The following SYT2 variants were observed in gnomAD, a reference collection of about 807,000 sequenced individuals.
The protein encoded by SYT2 is synaptotagmin-2.
Under a neutral mutation model 39.9 loss-of-function variants are expected in SYT2, and 15 were observed. The ratio of observed to expected loss-of-function variants is 0.38; its 90% CI spans 0.25 to 0.58. SYT2 has a LOEUF of 0.58. Ranked by LOEUF, SYT2 falls within the 20% of genes least tolerant of loss-of-function variation. The pLI is 0.70. For synonymous variants in SYT2, 181 were observed against 204.5 expected (o/e 0.89, Z 0.98); for missense variants, 389 against 530.3 (o/e 0.73, Z 2.62).
At chr1:202,658,442 C>T (rs887976962) in intron 1 of SYT2, among the ~76,000 whole-genome samples, 2 of 152,124 alleles carry the variant, frequency 1.3e-5, no homozygotes, top group African/African-American at 4.8e-5. Context: ...TCTACTGATG[C>T]CTCTTGGATC....
At chr1:202,656,422 G>A (rs933703288) in intron 1 of SYT2, among the ~76,000 whole-genome samples, 3 of 152,226 alleles carry the variant, frequency 2.0e-5, no homozygotes, top group Non-Finnish European at 4.4e-5. Flanking sequence ...CCAGGGCCCT[G>A]TGAGCCTGAA....
intron 1 of SYT2, among the ~76,000 whole-genome samples, chr1:202,646,069 G>A (rs11585565): frequency 0.38 from 57,074 of 152,132 alleles, 12,807 homozygotes; most frequent in South Asian, 0.5. Context: ...AGGGCATGGA[G>A]CTGGGTCTTG....
chr1:202,704,454 G>A (rs994175087), intron 1 of SYT2, among the ~76,000 whole-genome samples: 16 of 152,198 alleles, frequency 1.1e-4, no homozygotes, highest in South Asian at 2.1e-4. Flanking sequence ...AGGAAGTAAG[G>A]AAGGAATGGG....
At chr1:202,672,233 C>T (rs1186293001) in intron 1 of SYT2, among the ~76,000 whole-genome samples, 5 of 152,214 alleles carry the variant, frequency 3.3e-5, no homozygotes, top group Non-Finnish European at 5.9e-5. Flanking sequence ...TGAATGTTTG[C>T]GTCCTCCCAA....
intron 1 of SYT2, among the ~76,000 whole-genome samples, chr1:202,672,451 T>G (rs1692611114): frequency 6.6e-6 from 1 of 151,998 alleles, no homozygotes. Context: ...AGACTTCCAG[T>G]CTCCGGAACT....
intron 1 of SYT2, among the ~76,000 whole-genome samples, chr1:202,648,236 A>C (rs948990707): frequency 1.3e-5 from 2 of 152,214 alleles, no homozygotes; most frequent in African/African-American, 2.4e-5. Context: ...GCTAGAGTGC[A>C]GAGGTGTGAT....
chr1:202,616,876 C>T (rs937623907), intron 1 of SYT2, among the ~76,000 whole-genome samples: 3 of 152,236 alleles, frequency 2.0e-5, no homozygotes, highest in African/African-American at 7.2e-5. Flanking sequence ...TTCCGAGCTC[C>T]AGGCCCACAG....
chr1:202,707,232 A>G (rs1445816682), intron 1 of SYT2, among the ~76,000 whole-genome samples: 1 of 152,172 alleles, frequency 6.6e-6, no homozygotes, highest in African/African-American at 2.4e-5. Flanking sequence ...AGAGACTACA[A>G]TAGTGGCACA....
At chr1:202,631,400 T>C (rs1406048597) in intron 1 of SYT2, among the ~76,000 whole-genome samples, 2 of 152,208 alleles carry the variant, frequency 1.3e-5, no homozygotes, top group African/African-American at 2.4e-5. Flanking sequence ...TCAGGGTTTC[T>C]AATGTTCTGC....
At chr1:202,705,281 C>CGTA (rs559397289) in intron 1 of SYT2, among the ~76,000 whole-genome samples, 33 of 152,246 alleles carry the variant, frequency 2.2e-4, no homozygotes, top group Non-Finnish European at 4.6e-4. Context: ...ACAGCGATGG[C>CGTA]GTAGCCGAGG....
intron 5 of SYT2, 37 bp downstream of exon 5, chr1:202,602,341 G>A: frequency 6.3e-7 from 1 of 1,593,672 alleles, no homozygotes. Flanking sequence ...ATTGGGATCA[G>A]GCAGGGAGCT....
intron 1 of SYT2, among the ~76,000 whole-genome samples, chr1:202,646,611 C>G (rs867250005): frequency 6.6e-6 from 1 of 152,216 alleles, no homozygotes; most frequent in African/African-American, 2.4e-5. Context: ...AACTTCTCTA[C>G]GCCTCAACTT....
intron 1 of SYT2, among the ~76,000 whole-genome samples, chr1:202,686,543 A>G (rs1041082046): frequency 3.3e-5 from 5 of 152,090 alleles, no homozygotes; most frequent in African/African-American, 1.2e-4. Flanking sequence ...GTGGCATGAT[A>G]ATGGGGGGTG....
rs764283785 is a variant in SYT2 at position 202,646,179 on chromosome 1, G to A, written c.-17-40390C>T. On this transcript the variant is annotated intron_variant, in intron 1 of 8. Transcript: ENST00000367268. ...ATCCTACCCTGTCCTCTCCTTTCAG[G>A]CTTCATGCACCAGCATCTCTAGATG... 1.1e-4 allele frequency among the ~76,000 whole-genome samples: 16 copies of A among 152,134 alleles called. No homozygotes were observed. The South Asian group carries it at 1.9e-3, about 18-fold the overall frequency.
At chr1:202,677,879 C>A (rs1275460121) in intron 1 of SYT2, among the ~76,000 whole-genome samples, 2 of 152,296 alleles carry the variant, frequency 1.3e-5, no homozygotes, top group South Asian at 2.1e-4. Flanking sequence ...TACATACCTA[C>A]ATTTTTATAA....
rs773123862 is a variant in SYT2 at position 202,678,273 on chromosome 1, CAAA to C, written c.-18+31982_-18+31984del. Among the ~76,000 whole-genome samples, 44 of 30,722 alleles carry C rather than the reference CAAA, an allele frequency of 1.4e-3. No homozygotes were observed. In the East Asian group the frequency reaches 0.023, roughly 16 times the overall value. 20.2% of individuals were successfully genotyped at this position (30,722 alleles called of 152,430 possible). A position where few individuals can be genotyped will look rare whatever the true frequency, so the allele number is the denominator to read the frequency against. On this transcript the variant is annotated intron_variant, in intron 1 of 8. Coordinates refer to ENST00000367268, the MANE Select transcript of SYT2 (RefSeq NM_177402.5). ...TGAGTGACAGAGCGAGACTCTGTCTCAAAAAAAAAAAAAAAAAAAAAAAAAAAA... is the reference window on the plus strand; with the variant it reads ...TGAGTGACAGAGCGAGACTCTGTCTCAAAAAAAAAAAAAAAAAAAAAAAAA...
intron 1 of SYT2, among the ~76,000 whole-genome samples, chr1:202,692,186 A>G (rs1283027859): frequency 6.6e-6 from 1 of 152,108 alleles, no homozygotes; most frequent in Non-Finnish European, 1.5e-5. Flanking sequence ...CTGACCTGAC[A>G]TAGAGAAGCC....
intron 1 of SYT2, among the ~76,000 whole-genome samples, chr1:202,627,272 A>G (rs1396887160): frequency 3.3e-5 from 5 of 152,188 alleles, no homozygotes; most frequent in African/African-American, 1.2e-4. Context: ...TGAGGTGGGA[A>G]CGTGCCTTGT....
intron 1 of SYT2, among the ~76,000 whole-genome samples, chr1:202,642,352 C>A (rs1485606106): frequency 6.6e-6 from 1 of 151,794 alleles, no homozygotes; most frequent in Non-Finnish European, 1.5e-5. Flanking sequence ...GAGCTTGTCC[C>A]CCCGCGCGCC....
Sources: gnomAD v4.1 joint callset for allele counts (sites outside exome capture counted in the v4.1 genomes callset) on GRCh38, gnomAD v4.1.1 for gene constraint, MANE v1.5 for transcripts, NCBI Gene and HGNC (gene_info 2026-07-23, HGNC 2026-07-21) for gene names.